The following INO80 variants were observed in gnomAD, a reference collection of about 807,000 sequenced individuals.
INO80 encodes INO80 complex ATPase subunit, also known as chromatin-remodeling ATPase INO80.
Under a neutral mutation model 203.4 loss-of-function variants are expected in INO80, and 20 were observed. The ratio of observed to expected loss-of-function variants is 0.10; its 90% CI spans 0.07 to 0.14. The LOEUF is 0.14. Among genes scored for constraint, INO80 ranks in the 10% least tolerant of loss-of-function variants. The probability of loss-of-function intolerance (pLI) is 1.00; values close to 1 mark genes in which losing one functional copy is unlikely to be tolerated. For missense variants in INO80, 1,419 were observed against 1,914.4 expected, an observed-to-expected ratio of 0.74 and a Z score of 4.83; for synonymous variants, 726 against 685.2, an observed-to-expected ratio of 1.06 and a Z score of -0.93.
chr15:41,057,155 G>C (rs1437001754), intron 16 of INO80, among the ~76,000 whole-genome samples: 1 of 152,078 alleles, frequency 6.6e-6, no homozygotes, highest in Non-Finnish European at 1.5e-5. Context: ...ATTGCTCCTG[G>C]CCAAAGGCAT....
intron 9 of INO80, among the ~76,000 whole-genome samples, chr15:41,078,849 C>T (rs750291749): frequency 6.6e-6 from 1 of 152,028 alleles, no homozygotes; most frequent in Non-Finnish European, 1.5e-5. Flanking sequence ...CAAGTTAAAA[C>T]AGTAAAGTAG....
chr15:41,082,204 C>T (rs952921749), intron 7 of INO80, among the ~76,000 whole-genome samples: 1 of 144,784 alleles, frequency 6.9e-6, no homozygotes, highest in Non-Finnish European at 1.5e-5. Flanking sequence ...GAGCCGAGAT[C>T]GTACCACTGC....
intron 29 of INO80, 123 bp from the exon 30 acceptor site, chr15:40,988,097 T>C (rs1037983134): frequency 7.0e-6 from 5 of 716,988 alleles, no homozygotes; most frequent in Admixed American, 2.7e-5. Context: ...TTCTATGATA[T>C]TGAGCTAAGT....
At chr15:41,064,379 C>A (rs535082686) in intron 14 of INO80, among the ~76,000 whole-genome samples, 1 of 152,248 alleles carries the variant, frequency 6.6e-6, no homozygotes, top group African/African-American at 2.4e-5. Context: ...TTATGAATTA[C>A]ACTTTTTATT....
rs772371933 is a variant in INO80 at position 40,980,280 on chromosome 15, G to A, written c.4614C>T (p.Ala1538=). Residue 1538 remains alanine (A), a synonymous_variant, in exon 36 of 36, where the codon GCC becomes GCT. Coordinates refer to ENST00000648947, the MANE Select transcript of INO80 (RefSeq NM_017553.3). ...CCTGTTTCCGGACCAGAGAGTCTGGGGCTAGGCTGCTGGTCATGTGGAGGT... is the reference window on the plus strand; with the variant it reads ...CCTGTTTCCGGACCAGAGAGTCTGGAGCTAGGCTGCTGGTCATGTGGAGGT... ...PKNLHMTSSL[A]PDSLVRKQGK... The A allele has an allele frequency of 6.2e-6, 10 of 1,613,548 alleles. No individual in the cohort carries two copies. The South Asian group carries it at 9.9e-5, about 16-fold the overall frequency.
At chr15:41,073,371 G>A in intron 11 of INO80, 57 bp downstream of exon 11, 1 of 1,386,892 alleles carries the variant, frequency 7.2e-7, no homozygotes. Flanking sequence ...CCTAAGTAAA[G>A]GCTTGTGGGG....
intron 28 of INO80, among the ~76,000 whole-genome samples, chr15:41,000,881 C>T (rs2043951148): frequency 6.6e-6 from 1 of 151,746 alleles, no homozygotes; most frequent in Non-Finnish European, 1.5e-5. Flanking sequence ...AGTAGAAAAA[C>T]TTAGAAATAC....
At chr15:41,036,813 G>A (rs1259833097) in intron 24 of INO80, among the ~76,000 whole-genome samples, 2 of 152,184 alleles carry the variant, frequency 1.3e-5, no homozygotes, top group Admixed American at 1.3e-4. Context: ...CAGGCACGGT[G>A]GCTCACGACT....
chr15:41,069,318 C>T (rs2140587168), intron 14 of INO80, among the ~76,000 whole-genome samples: 1 of 151,842 alleles, frequency 6.6e-6, no homozygotes, highest in East Asian at 1.9e-4. Flanking sequence ...AGACACATGG[C>T]ACCATGCCCG....
chr15:41,022,969 C>T (rs149738374), intron 25 of INO80, among the ~76,000 whole-genome samples: 16 of 151,970 alleles, frequency 1.1e-4, no homozygotes, highest in African/African-American at 3.9e-4. Flanking sequence ...GGCATGGTGG[C>T]GTTCACCTCT....
chr15:40,992,497 A>G (rs2043829231), intron 29 of INO80, among the ~76,000 whole-genome samples: 1 of 152,218 alleles, frequency 6.6e-6, no homozygotes, highest in Non-Finnish European at 1.5e-5. Flanking sequence ...ATAAGACATT[A>G]GGTTTTTCCT....
intron 5 of INO80, among the ~76,000 whole-genome samples, chr15:41,090,591 G>T (rs938534340): frequency 2.0e-4 from 31 of 151,986 alleles, no homozygotes; most frequent in Non-Finnish European, 4.4e-4. Flanking sequence ...AAGAAAAAAG[G>T]AACAGAGTGG....
At chr15:41,046,250 T>C (rs1313994898) in intron 23 of INO80, among the ~76,000 whole-genome samples, 3 of 87,898 alleles carry the variant, frequency 3.4e-5, no homozygotes, top group African/African-American at 1.2e-4. Context: ...TATATATATA[T>C]ATATATTCTT....
At chr15:41,110,785 C>A (rs919047649) in intron 1 of INO80, among the ~76,000 whole-genome samples, 13 of 152,132 alleles carry the variant, frequency 8.5e-5, no homozygotes, top group African/African-American at 2.9e-4. Context: ...ACTGTTTTCC[C>A]CTTCTAAAAA....
At chr15:41,109,885 T>C (rs1446514805) in intron 1 of INO80, among the ~76,000 whole-genome samples, 1 of 149,498 alleles carries the variant, frequency 6.7e-6, no homozygotes, top group Non-Finnish European at 1.5e-5. Context: ...TGAACCGAGA[T>C]AGTACCACTG....
At chr15:41,110,809 C>T (rs1196210057) in intron 1 of INO80, among the ~76,000 whole-genome samples, 1 of 152,286 alleles carries the variant, frequency 6.6e-6, no homozygotes, top group South Asian at 2.1e-4. Context: ...GATTGAACTT[C>T]ATTAGTAATG....
intron 27 of INO80, among the ~76,000 whole-genome samples, chr15:41,011,267 C>G (rs2044130003): frequency 6.6e-6 from 1 of 152,200 alleles, no homozygotes; most frequent in African/African-American, 2.4e-5. Flanking sequence ...AAGAGTGACT[C>G]AGTTAGAAAT....
intron 9 of INO80, among the ~76,000 whole-genome samples, chr15:41,079,278 C>T (rs2140622111): frequency 6.6e-6 from 1 of 152,218 alleles, no homozygotes; most frequent in East Asian, 1.9e-4. Context: ...GCAGTCAGCA[C>T]CTACAAACAA....
At chr15:41,019,922 A>G (rs1255811611) in intron 26 of INO80, among the ~76,000 whole-genome samples, 1 of 152,208 alleles carries the variant, frequency 6.6e-6, no homozygotes, top group African/African-American at 2.4e-5. Flanking sequence ...ATTACATGCC[A>G]GTAAAAGGGA....
Sources: gnomAD v4.1 joint callset for allele counts (sites outside exome capture counted in the v4.1 genomes callset) on GRCh38, gnomAD v4.1.1 for gene constraint, MANE v1.5 for transcripts, NCBI Gene and HGNC (gene_info 2026-07-23, HGNC 2026-07-21) for gene names.